Variants in ATP6V0A2 observed in about 807,000 individuals in gnomAD.
ATP6V0A2 encodes the protein V-type proton ATPase 116 kDa subunit a 2.
ATP6V0A2 carries 58 observed loss-of-function variants against 104.4 expected under a neutral mutation model. The ratio of observed to expected loss-of-function variants is 0.56; its 90% confidence interval spans 0.45 to 0.69. The LOEUF is 0.69. Ranked by LOEUF, ATP6V0A2 falls within the 30% of genes least tolerant of loss-of-function variation. The probability of loss-of-function intolerance (pLI) is 0.00; values close to 1 mark genes in which losing one functional copy is unlikely to be tolerated. For missense variants in ATP6V0A2, 938 were observed against 1,062.9 expected (o/e 0.88, Z 1.63); for synonymous variants, 376 against 397.9 (o/e 0.95, Z 0.65).
intron 4 of ATP6V0A2, among the ~76,000 whole-genome samples, chr12:123,725,389 A>T (rs547407026): frequency 1.3e-5 from 2 of 152,322 alleles, no homozygotes; most frequent in Non-Finnish European, 2.9e-5. Flanking sequence ...AAAAATTTTT[A>T]TGAGCATGAG....
chr12:123,719,336 T>G (rs1231322517), intron 2 of ATP6V0A2, among the ~76,000 whole-genome samples: 3 of 152,114 alleles, frequency 2.0e-5, no homozygotes, highest in Admixed American at 6.6e-5. Context: ...AGCCTTGACA[T>G]TCTCACTGAA....
At chr12:123,727,283 A>G (rs1956456716) in intron 5 of ATP6V0A2, among the ~76,000 whole-genome samples, 1 of 116,416 alleles carries the variant, frequency 8.6e-6, no homozygotes, top group African/African-American at 3.3e-5. Context: ...GGATTCCAAG[A>G]ATTTCTCTCT....
intron 6 of ATP6V0A2, chr12:123,730,798 C>T (rs1956494980): frequency 1.3e-5 from 2 of 152,152 alleles, no homozygotes; most frequent in African/African-American, 4.8e-5. Flanking sequence ...CCTCCACCTC[C>T]CGGGTTCAAG....
Position 123,748,735 on chromosome 12 carries a change from A to G in ATP6V0A2, c.1885A>G (p.Asn629Asp). 2 of 1,614,168 alleles carry G rather than the reference A, an allele frequency of 1.2e-6. No individual in the cohort carries two copies. Among genetic ancestry groups the G allele is most frequent in the Non-Finnish European group, 1.7e-6 (2 of 1,180,030 alleles). The change falls in exon 15 of 20, where the codon AAC becomes GAC. Residue 629 changes from asparagine to aspartate, a missense_variant. Physicochemically the swap from Asn to Asp is conservative, Grantham distance 23 (BLOSUM62 1). Transcript: ENST00000330342. Reference sequence around the variant, plus strand: ...TCCCAGCATTCTGATTGAATTTATTAACATGTTTTTATTCCCAGCCAGTAA... The same window carrying G: ...TCCCAGCATTCTGATTGAATTTATTGACATGTTTTTATTCCCAGCCAGTAA... Reference protein sequence around the residue: ...VAPSILIEFINMFLFPASKTS... With the variant: ...VAPSILIEFIDMFLFPASKTS...
intron 17 of ATP6V0A2, among the ~76,000 whole-genome samples, chr12:123,753,776 AT>A (rs1409954070): frequency 9.2e-5 from 14 of 152,248 alleles, no homozygotes; most frequent in Non-Finnish European, 2.1e-4. Flanking sequence ...TGGAAACTTT[AT>A]TTTGGCCATT....
rs980648926 is a variant in ATP6V0A2, at chr12:123,722,538, T to C, written c.294+90T>C. 14 of 820,546 alleles carry C rather than the reference T, an allele frequency of 1.7e-5. No homozygotes were observed. In the African/African-American group the frequency reaches 2.4e-4, roughly 14 times the overall value. 50.8% of individuals were successfully genotyped at this position (820,546 alleles called of 1,614,324 possible). A position where few individuals can be genotyped will look rare whatever the true frequency, so the allele number is the denominator to read the frequency against. ...CATGTTGTCTAATGCTTTTCTGCCT[T>C]TCTTCTCAAAACTATGGAAGATGGT... On this transcript the variant is annotated intron_variant, in intron 3 of 19. Coordinates refer to ENST00000330342, the MANE Select transcript of ATP6V0A2 (RefSeq NM_012463.4).
Position 123,722,403 on chromosome 12 carries a change from G to C in ATP6V0A2, c.249G>C (p.Glu83Asp), listed in dbSNP as rs1192647640. The C allele has an allele frequency of 1.2e-6, 2 of 1,613,292 alleles. No homozygotes were observed. Among genetic ancestry groups the C allele is most frequent in the East Asian group, 2.2e-5 (1 of 44,894 alleles). Residue 83 changes from glutamate (E) to aspartate (D), a missense_variant, in exon 3 of 20, where the codon GAG becomes GAC. By Grantham distance (45) the Glu-to-Asp change is conservative (BLOSUM62 2). Transcript: ENST00000330342. ...CTGATATTCCCCTTCCTGAAGGAGA[G>C]GCCAGCCCTCCTGCGCCACCCCTGA... The part of the protein sequence containing the change: ...NRADIPLPEG[E>D]ASPPAPPLKQ...
At chr12:123,725,061 G>A (rs574298749) in intron 4 of ATP6V0A2, among the ~76,000 whole-genome samples, 2 of 152,106 alleles carry the variant, frequency 1.3e-5, no homozygotes, top group Non-Finnish European at 2.9e-5. Flanking sequence ...TCAGCCTCTC[G>A]AATAGCTGGG....
At chr12:123,737,612 G>A (rs1956568194) in intron 9 of ATP6V0A2, 1 of 334,364 alleles carries the variant, frequency 3.0e-6, no homozygotes, top group African/African-American at 2.1e-5. Flanking sequence ...GTGAGTACAT[G>A]TGTTTTTAAA....
chr12:123,755,276 C>T (rs1956752404), intron 18 of ATP6V0A2, among the ~76,000 whole-genome samples: 1 of 152,158 alleles, frequency 6.6e-6, no homozygotes, highest in African/African-American at 2.4e-5. Context: ...GTGGCTCACA[C>T]CTGTAATCCC....
chr12:123,750,543 G>GTCC (rs2135916659), intron 15 of ATP6V0A2: 1 of 188,984 alleles, frequency 5.3e-6, no homozygotes, highest in South Asian at 1.0e-4. Flanking sequence ...CAAACCCTGG[G>GTCC]AAGCCATGCA....
intron 6 of ATP6V0A2, chr12:123,732,120 C>A (rs1956507057): frequency 1.3e-5 from 2 of 152,392 alleles, no homozygotes. Flanking sequence ...TCTTCCCAGA[C>A]CTGCCCTTCC....
intron 19 of ATP6V0A2, 73 bp downstream of exon 19, chr12:123,757,059 A>C (rs1956772059): frequency 6.6e-7 from 1 of 1,506,212 alleles, no homozygotes; most frequent in Non-Finnish European, 9.2e-7. Context: ...CGCCCAACCA[A>C]ATATACACAG....
rs1956304103 is a variant in ATP6V0A2, at chr12:123,712,668, G to A, written c.103G>A (p.Val35Ile). Residue 35 changes from valine (V) to isoleucine (I), a missense_variant, in exon 1 of 20, where the codon GTC becomes ATC. Coordinates refer to ENST00000330342, the MANE Select transcript of ATP6V0A2 (RefSeq NM_012463.4). ...CLSALGEKGL[V>I]QFRDLNQNVS... ...CAGCGCCCTGGGCGAGAAAGGCCTG[G>A]TCCAGTTCCGAGACGTGAGTGTCGC... The A allele has an allele frequency of 6.2e-7, 1 of 1,610,128 alleles. No individual in the cohort carries two copies. The highest frequency in any genetic ancestry group is 1.1e-5 in the South Asian group (1 of 90,578).
chr12:123,712,573 C>A lies in ATP6V0A2; in HGVS notation c.8C>A (p.Ser3Tyr). 4 of 1,592,162 alleles carry A rather than the reference C, an allele frequency of 2.5e-6. No individual in the cohort carries two copies. Among genetic ancestry groups the A allele is most frequent in the Non-Finnish European group, 3.4e-6 (4 of 1,172,032 alleles). MGSLFRSETMCLA... is the reference protein window; with the variant it reads MGYLFRSETMCLA... ...GGCGCGGGTCGGCCCGCCATGGGGT[C>A]CCTGTTCCGGAGCGAGACCATGTGC... Residue 3 changes from serine to tyrosine, a missense_variant, in exon 1 of 20, where the codon TCC (serine) becomes TAC (tyrosine). Transcript: ENST00000330342.
Position 123,758,089 on chromosome 12 carries a change from C to A in ATP6V0A2, c.*57C>A. 8.1e-7 allele frequency: 1 copy of A among 1,236,184 alleles called. No individual in the cohort carries two copies. The highest frequency in any genetic ancestry group is 1.2e-6 in the Non-Finnish European group (1 of 840,668). 76.6% of individuals were successfully genotyped at this position (1,236,184 alleles called of 1,614,324 possible). ...TTATGGAGAATGACCATGTTATAGA[C>A]TTTCACTTATGTCAGATTTATGATA... On this transcript the variant is annotated 3_prime_UTR_variant, in exon 20 of 20. Coordinates refer to ENST00000330342, the MANE Select transcript of ATP6V0A2 (RefSeq NM_012463.4).
At chr12:123,742,827 C>T (rs1956622437) in intron 9 of ATP6V0A2, among the ~76,000 whole-genome samples, 1 of 150,902 alleles carries the variant, frequency 6.6e-6, no homozygotes, top group Non-Finnish European at 1.5e-5. Flanking sequence ...CAGAGCGAGA[C>T]TCCTTCTTTA....
intron 19 of ATP6V0A2, 47 bp downstream of exon 19, chr12:123,757,033 C>T (rs547821356): frequency 8.1e-6 from 13 of 1,601,138 alleles, no homozygotes; most frequent in Admixed American, 3.3e-5. Context: ...AAAACATACC[C>T]GCCCCCCCAC....
chr12:123,718,683 G>A lies in ATP6V0A2; in HGVS notation c.178G>A (p.Glu60Lys). The A allele has an allele frequency of 1.9e-6, 3 of 1,611,352 alleles. No homozygotes were observed. Among genetic ancestry groups the A allele is most frequent in the Non-Finnish European group, 2.5e-6 (3 of 1,178,378 alleles). Residue 60 changes from glutamate to lysine, a missense_variant, in exon 2 of 20, where the codon GAG becomes AAG. Coordinates refer to ENST00000330342, the MANE Select transcript of ATP6V0A2 (RefSeq NM_012463.4). ...KFVGEVKRCE[E>K]LERILVYLVQ... The stretch of plus-strand genomic sequence containing the variant: ...TGTTGGTGAGGTGAAGAGGTGTGAA[G>A]AGCTAGAGCGAATATTGGGTAAGTT...
Sources: gnomAD v4.1 joint callset for allele counts (sites outside exome capture counted in the v4.1 genomes callset) on GRCh38, gnomAD v4.1.1 for gene constraint, MANE v1.5 for transcripts, NCBI Gene and HGNC (gene_info 2026-07-23, HGNC 2026-07-21) for gene names.